The following GRIK3 variants were observed in gnomAD, a reference collection of about 807,000 sequenced individuals.
GRIK3 encodes glutamate receptor ionotropic, kainate 3.
A neutral mutation model predicts 102.5 loss-of-function variants in GRIK3; 29 were observed. The ratio of observed to expected loss-of-function variants is 0.28; its 90% CI spans 0.21 to 0.39. GRIK3 has a LOEUF of 0.39. Ranked by LOEUF, GRIK3 falls within the 10% of genes least tolerant of loss-of-function variation. The pLI, the probability that GRIK3 is intolerant of heterozygous loss-of-function variation, is 1.00. For synonymous variants in GRIK3, 511 were observed against 504.9 expected, an observed-to-expected ratio of 1.01 and a Z score of -0.16; for missense variants, 908 against 1,252.4, an observed-to-expected ratio of 0.73 and a Z score of 4.15.
At position 36,795,807 on chromosome 1, in the gene GRIK3, G is replaced by A. The variant is rs1211774544; in HGVS notation, c.*6044C>T. ...GACCAGTGTGTGGGAACCATGTTGAGTGGGAGTGGGGGGCGTCCAGGCACT... is the reference window on the plus strand; with the variant it reads ...GACCAGTGTGTGGGAACCATGTTGAATGGGAGTGGGGGGCGTCCAGGCACT... On this transcript the variant is annotated 3_prime_UTR_variant, in exon 16 of 16. Transcript: ENST00000373091. 1 of 152,258 alleles carries A rather than the reference G, an allele frequency of 6.6e-6. No homozygotes were observed. Among genetic ancestry groups the A allele is most frequent in the East Asian group, 1.9e-4 (1 of 5,188 alleles). The allele number at this position is 152,258 out of a possible 1,614,324, so 9.4% of individuals were successfully genotyped here. A position where few individuals can be genotyped will look rare whatever the true frequency, so the allele number is the denominator to read the frequency against.
chr1:36,855,585 T>C (rs1640642640), intron 7 of GRIK3, among the ~76,000 whole-genome samples: 1 of 152,180 alleles, frequency 6.6e-6, no homozygotes, highest in Non-Finnish European at 1.5e-5. Flanking sequence ...AAGCAACCAC[T>C]CTGAGCTTCA....
At chr1:36,822,024 T>C (rs1642701167) in intron 11 of GRIK3, among the ~76,000 whole-genome samples, 2 of 152,376 alleles carry the variant, frequency 1.3e-5, no homozygotes, top group African/African-American at 4.8e-5. Context: ...TTCTTCCGGA[T>C]CTACCTCATG....
intron 1 of GRIK3, among the ~76,000 whole-genome samples, chr1:37,013,007 C>T (rs1026830713): frequency 2.0e-5 from 3 of 152,162 alleles, no homozygotes; most frequent in Admixed American, 1.3e-4. Context: ...AACACATACC[C>T]GAGACTGGGT....
chr1:36,950,490 T>A (rs187754304), intron 1 of GRIK3, among the ~76,000 whole-genome samples: 1 of 152,226 alleles, frequency 6.6e-6, no homozygotes. Context: ...TTGTGGCCAA[T>A]GTTTAAGCCC....
intron 3 of GRIK3, among the ~76,000 whole-genome samples, chr1:36,878,088 C>T (rs1351822960): frequency 6.6e-6 from 1 of 152,178 alleles, no homozygotes; most frequent in East Asian, 1.9e-4. Flanking sequence ...CAGTCCAATC[C>T]AACTCAGTGC....
chr1:36,974,732 G>A (rs1035567994), intron 1 of GRIK3, among the ~76,000 whole-genome samples: 6 of 151,234 alleles, frequency 4.0e-5, no homozygotes, highest in African/African-American at 7.3e-5. Flanking sequence ...CCCAGGAGGC[G>A]GAGCTTGCAG....
chr1:36,971,440 T>G (rs1294669969), intron 1 of GRIK3, among the ~76,000 whole-genome samples: 1 of 152,130 alleles, frequency 6.6e-6, no homozygotes, highest in Non-Finnish European at 1.5e-5. Flanking sequence ...TCTGAACCAG[T>G]CTACCCCTAG....
chr1:36,930,192 G>C (rs146354156), intron 1 of GRIK3, among the ~76,000 whole-genome samples: 123 of 152,282 alleles, frequency 8.1e-4, no homozygotes, highest in African/African-American at 3.0e-3. Context: ...GAATACCAGG[G>C]GGAAGGATCA....
chr1:36,850,454 C>T lies in GRIK3; in HGVS notation c.1213-30G>A. On this transcript the variant is annotated intron_variant, in intron 8 of 15. Transcript: ENST00000373091. This position sits in a 1 kb window ranked among gnomAD's most constrained non-coding sequence, Gnocchi z 4.0. ...ATGGACACAGACAGAAAACAGGGTG[C>T]CGAGTCCTTGGTCTACCCATCTTCC... is the stretch of plus-strand genomic sequence containing the variant. 7.3e-7 allele frequency: 1 copy of T among 1,373,968 alleles called. No individual in the cohort carries two copies. The highest frequency in any genetic ancestry group is 1.0e-6 in the Non-Finnish European group (1 of 960,832). 85.1% of individuals were successfully genotyped at this position (1,373,968 alleles called of 1,614,324 possible).
At chr1:37,031,559 C>A (rs1642828419) in intron 1 of GRIK3, among the ~76,000 whole-genome samples, 1 of 152,250 alleles carries the variant, frequency 6.6e-6, no homozygotes, top group Admixed American at 6.5e-5. Context: ...CCTCTCCGGG[C>A]TGGTGCTCGG....
At chr1:36,828,002 G>A (rs574890361) in intron 10 of GRIK3, among the ~76,000 whole-genome samples, 1 of 152,066 alleles carries the variant, frequency 6.6e-6, no homozygotes, top group African/African-American at 2.4e-5. Flanking sequence ...GGCAGAAGGA[G>A]GAATGGGGCA....
intron 1 of GRIK3, among the ~76,000 whole-genome samples, chr1:36,957,444 G>GCCATGTGCCTCATGAC (rs1641928156): frequency 1.1e-4 from 3 of 28,068 alleles, no homozygotes; most frequent in African/African-American, 4.2e-4. Context: ...TGCTCTGTGA[G>GCCATGTGCCTCATGAC]TCTGTGCCCT....
chr1:37,026,442 G>A (rs1642764980), intron 1 of GRIK3, among the ~76,000 whole-genome samples: 1 of 152,216 alleles, frequency 6.6e-6, no homozygotes, highest in South Asian at 2.1e-4. Flanking sequence ...ACAAAGCCAA[G>A]GGCACATGAG....
At chr1:36,886,320 G>A (rs1429210173) in intron 2 of GRIK3, among the ~76,000 whole-genome samples, 1 of 152,208 alleles carries the variant, frequency 6.6e-6, no homozygotes, top group Non-Finnish European at 1.5e-5. Flanking sequence ...TGGAGGGGAA[G>A]AAAGCAATGA....
Position 36,859,922 on chromosome 1 carries a change from G to A in GRIK3, c.882C>T (p.Ala294=), listed in dbSNP as rs1640700935. The A allele has an allele frequency of 1.9e-6, 3 of 1,613,840 alleles. No individual in the cohort carries two copies. The highest frequency in any genetic ancestry group is 1.7e-4 in the Middle Eastern group (1 of 6,060). Residue 294 remains alanine, a synonymous_variant, in exon 6 of 16, where the codon GCC becomes GCT. Transcript: ENST00000373091. ...GCTCCATGGACCACTTCTCCACAAT[G>A]GCCGAGACGTGTGGGTTGTCCACAT... ...ILNVDNPHVS[A]IVEKWSMERL...
In GRIK3 at chr1:36,989,527, G is replaced by A. The variant is rs549526493; in HGVS notation, c.115+44467C>T. On this transcript the variant is annotated intron_variant, in intron 1 of 15. Transcript: ENST00000373091. ...CTGATTGCCGCCAAGCGCTCCTCCC[G>A]GGGGCCTGGCTGGTTAATTGCTTGG... Among the ~76,000 whole-genome samples, 13 of 152,336 alleles carry A rather than the reference G, an allele frequency of 8.5e-5. No individual in the cohort carries two copies. The South Asian group carries it at 2.5e-3, about 29-fold the overall frequency.
intron 1 of GRIK3, among the ~76,000 whole-genome samples, chr1:36,973,150 A>C (rs1316655580): frequency 6.6e-6 from 1 of 152,064 alleles, no homozygotes; most frequent in Non-Finnish European, 1.5e-5. Flanking sequence ...GATACTTCCA[A>C]AGCTACCCCC....
At chr1:36,919,926 T>A (rs1332096329) in intron 1 of GRIK3, among the ~76,000 whole-genome samples, 1 of 152,228 alleles carries the variant, frequency 6.6e-6, no homozygotes, top group Non-Finnish European at 1.5e-5. Flanking sequence ...GCCAGCTCCA[T>A]CCCTGCCATC....
intron 1 of GRIK3, among the ~76,000 whole-genome samples, chr1:36,948,115 T>C (rs1308160034): frequency 5.9e-5 from 9 of 152,202 alleles, no homozygotes; most frequent in Admixed American, 5.9e-4. Flanking sequence ...TCCCTTACTC[T>C]GCTCCCCCAT....
Sources: gnomAD v4.1 joint callset for allele counts (sites outside exome capture counted in the v4.1 genomes callset) on GRCh38, gnomAD v4.1.1 for gene constraint, Gnocchi (gnomAD v3.1) non-coding constraint, MANE v1.5 for transcripts, NCBI Gene and HGNC (gene_info 2026-07-23, HGNC 2026-07-21) for gene names.